Variants in SUSD4 observed in about 807,000 individuals in gnomAD.
The protein encoded by SUSD4 is sushi domain-containing protein 4.
Under a neutral mutation model 50.5 loss-of-function variants are expected in SUSD4, and 41 were observed. The observed-to-expected ratio is 0.81, with a 90% CI of 0.63 to 1.05. The LOEUF (loss-of-function observed/expected upper bound fraction) is 1.05. SUSD4 is among the 50% of genes least tolerant of loss of function. SUSD4 has a pLI of 0.00. For synonymous variants in SUSD4, 257 were observed against 257.3 expected (o/e 1.00, Z 0.01); for missense variants, 580 against 634.7 (o/e 0.91, Z 0.93).
chr1:223,327,573 A>G (rs1021648335), intron 2 of SUSD4, among the ~76,000 whole-genome samples: 12 of 152,232 alleles, frequency 7.9e-5, no homozygotes, highest in African/African-American at 2.7e-4. Context: ...TGGGGCCACA[A>G]GGCTAAAGGA....
At chr1:223,270,662 C>G (rs575441574) in intron 3 of SUSD4, among the ~76,000 whole-genome samples, 2 of 152,266 alleles carry the variant, frequency 1.3e-5, no homozygotes, top group African/African-American at 4.8e-5. Context: ...CTCCACCTCG[C>G]AGGTCCAAGA....
chr1:223,339,196 T>C (rs1305681763), intron 2 of SUSD4, among the ~76,000 whole-genome samples: 2 of 152,202 alleles, frequency 1.3e-5, no homozygotes, highest in Non-Finnish European at 2.9e-5. Flanking sequence ...AGACCCATTG[T>C]GCACATGAGT....
chr1:223,248,774 C>T (rs1043298639), intron 5 of SUSD4, among the ~76,000 whole-genome samples: 19 of 152,104 alleles, frequency 1.2e-4, no homozygotes, highest in African/African-American at 4.3e-4. Context: ...ACCTGCTTTC[C>T]ATCTCTGAGT....
At chr1:223,342,445 A>G (rs989184210) in intron 2 of SUSD4, among the ~76,000 whole-genome samples, 15 of 152,348 alleles carry the variant, frequency 9.8e-5, no homozygotes, top group African/African-American at 3.6e-4. Context: ...GTGATTTCAT[A>G]GGACTAGCTG....
chr1:223,222,056 G>A lies in SUSD4; in HGVS notation c.*136C>T. On this transcript the variant is annotated 3_prime_UTR_variant, in exon 9 of 9. Transcript: ENST00000366878. ...TCAGCCTCACTGTGGAGCCTGAGAT[G>A]CATAATGTGAACTGTGGTCCCCATG... The A allele has an allele frequency of 1.3e-6, 1 of 784,376 alleles. No homozygotes were observed. The allele number at this position is 784,376 out of a possible 1,614,324, so 48.6% of individuals were successfully genotyped here.
chr1:223,251,508 A>ATT (rs1184104976), intron 5 of SUSD4, among the ~76,000 whole-genome samples: 1 of 152,222 alleles, frequency 6.6e-6, no homozygotes, highest in South Asian at 2.1e-4. Context: ...TCAACATGAG[A>ATT]TTTGGAGGAA....
At chr1:223,259,476 C>A (rs1285165895) in intron 5 of SUSD4, among the ~76,000 whole-genome samples, 7 of 152,200 alleles carry the variant, frequency 4.6e-5, no homozygotes, top group Non-Finnish European at 1.0e-4. Flanking sequence ...ACCCTTGCAA[C>A]CTGTCTCAAA....
intron 2 of SUSD4, among the ~76,000 whole-genome samples, chr1:223,294,896 A>G (rs1161006718): frequency 6.6e-6 from 1 of 152,222 alleles, no homozygotes; most frequent in Non-Finnish European, 1.5e-5. Context: ...TATTCTAATT[A>G]TCAAGTGGTT....
At chr1:223,266,519 G>C (rs1345923585) in intron 4 of SUSD4, among the ~76,000 whole-genome samples, 1 of 152,146 alleles carries the variant, frequency 6.6e-6, no homozygotes, top group Non-Finnish European at 1.5e-5. Context: ...AGATAAGCTG[G>C]TTTCTCTCAA....
chr1:223,226,317 A>G (rs558795908), intron 7 of SUSD4, among the ~76,000 whole-genome samples: 156 of 152,356 alleles, frequency 1.0e-3, no homozygotes, highest in African/African-American at 3.6e-3. Flanking sequence ...AGAGCTTGCT[A>G]TGGCACCAGG....
intron 2 of SUSD4, among the ~76,000 whole-genome samples, chr1:223,327,755 C>T (rs2103263240): frequency 6.6e-6 from 1 of 152,354 alleles, no homozygotes; most frequent in South Asian, 2.1e-4. Flanking sequence ...AGCATCTCCT[C>T]ACCTGGCACC....
At chr1:223,277,026 C>T (rs1054262479) in intron 3 of SUSD4, among the ~76,000 whole-genome samples, 6 of 152,188 alleles carry the variant, frequency 3.9e-5, no homozygotes, top group African/African-American at 9.7e-5. Context: ...ATGACCACCC[C>T]GCTTTTGAAA....
intron 3 of SUSD4, among the ~76,000 whole-genome samples, chr1:223,280,381 G>A (rs1027130452): frequency 6.7e-6 from 1 of 149,874 alleles, no homozygotes; most frequent in African/African-American, 2.5e-5. Flanking sequence ...AAAATAAAGG[G>A]ATGGAGGAAG....
At chr1:223,264,533 T>C in intron 5 of SUSD4, 97 bp downstream of exon 5, 1 of 1,529,588 alleles carries the variant, frequency 6.5e-7, no homozygotes, top group Non-Finnish European at 8.8e-7. Flanking sequence ...AGAAGAAAAG[T>C]TATTGCCCAT....
At chr1:223,309,578 C>T (rs1372740161) in intron 2 of SUSD4, among the ~76,000 whole-genome samples, 3 of 152,056 alleles carry the variant, frequency 2.0e-5, no homozygotes, top group Admixed American at 6.5e-5. Context: ...ATAGCAGTGC[C>T]CAAGATGCTG....
At chr1:223,253,255 T>G (rs1336490819) in intron 5 of SUSD4, among the ~76,000 whole-genome samples, 1 of 151,886 alleles carries the variant, frequency 6.6e-6, no homozygotes, top group African/African-American at 2.4e-5. Context: ...CACTCTAACT[T>G]TAGAGGATGT....
In SUSD4 at chr1:223,227,476, C is replaced by A; in HGVS notation, c.1061+118G>T. The A allele has an allele frequency of 7.5e-7, 1 of 1,335,488 alleles. No individual in the cohort carries two copies. The highest frequency in any genetic ancestry group is 1.0e-6 in the Non-Finnish European group (1 of 984,466). The allele number at this position is 1,335,488 out of a possible 1,614,324, so 82.7% of individuals were successfully genotyped here. The stretch of plus-strand genomic sequence containing the variant: ...AAAACATCCCAGAACATTGTTTTTG[C>A]TCTCCCCTGTTTCCCTTTAGAGCTT... On this transcript the variant is annotated intron_variant, in intron 7 of 8. Transcript: ENST00000366878. This position sits in a 1 kb window ranked among gnomAD's most constrained non-coding sequence, Gnocchi z 4.5.
At chr1:223,363,673 G>T (rs1270821270) in intron 1 of SUSD4, 7 of 501,162 alleles carry the variant, frequency 1.4e-5, no homozygotes, top group African/African-American at 1.3e-4. Flanking sequence ...GATGCTGCGC[G>T]TGCTGGGGGA....
At chr1:223,354,506 G>A (rs1668549309) in intron 2 of SUSD4, among the ~76,000 whole-genome samples, 1 of 152,162 alleles carries the variant, frequency 6.6e-6, no homozygotes, top group South Asian at 2.1e-4. Context: ...CAGAGGAACT[G>A]TACATTTCCA....
Sources: allele counts gnomAD v4.1 joint callset (sites outside exome capture counted in the v4.1 genomes callset), GRCh38; gene constraint gnomAD v4.1.1; non-coding constraint Gnocchi (gnomAD v3.1); transcripts MANE v1.5; gene names NCBI Gene and HGNC (gene_info 2026-07-23, HGNC 2026-07-21).